Variants in LMF1 observed in about 807,000 individuals in gnomAD.
LMF1 encodes the protein transmembrane protein 112.
In LMF1, 68 loss-of-function variants were observed where a neutral mutation model predicts 60.6. That is an observed-to-expected ratio of 1.12 (90% confidence interval 0.92 to 1.37). The LOEUF (loss-of-function observed/expected upper bound fraction) is 1.37, where lower values mean the gene tolerates loss of function less well. Among genes scored for constraint, LMF1 ranks in the 40% most tolerant of loss-of-function variants. LMF1 has a pLI of 0.00. For synonymous variants in LMF1, 418 were observed against 324.7 expected, an observed-to-expected ratio of 1.29 and a Z score of -3.09; for missense variants, 948 against 767.2, an observed-to-expected ratio of 1.24 and a Z score of -2.78.
chr16:953,012 GC>G (rs2072528120), intron 2 of LMF1, among the ~76,000 whole-genome samples: 2 of 29,206 alleles, frequency 6.8e-5, no homozygotes, highest in South Asian at 2.2e-3. Context: ...CCCCAAACCA[GC>G]CTCCTACATA....
chr16:910,860 C>A, intron 4 of LMF1, 71 bp downstream of exon 4: 1 of 1,589,508 alleles, frequency 6.3e-7, no homozygotes, highest in South Asian at 1.1e-5. Flanking sequence ...AGCCTCACCT[C>A]TCCTAGAAGC....
intron 2 of LMF1, among the ~76,000 whole-genome samples, chr16:938,052 CAA>C (rs5815061): frequency 6.8e-6 from 1 of 147,376 alleles, no homozygotes; most frequent in Non-Finnish European, 1.5e-5. Flanking sequence ...AAAAATACCA[CAA>C]AAAAAGAGGG....
intron 4 of LMF1, chr16:899,008 G>A (rs1394593542): frequency 6.6e-6 from 1 of 152,258 alleles, no homozygotes; most frequent in Non-Finnish European, 1.5e-5. Context: ...AATTACTAAT[G>A]CTCTTTGTAG....
intron 5 of LMF1, among the ~76,000 whole-genome samples, chr16:890,294 G>C (rs1489249769): frequency 6.6e-6 from 1 of 152,216 alleles, no homozygotes; most frequent in Non-Finnish European, 1.5e-5. Context: ...GGGGCCCCCG[G>C]GAAGCAAGAA....
intron 8 of LMF1, 55 bp from the exon 9 acceptor site, chr16:870,121 G>T (rs1431656448): frequency 1.7e-5 from 27 of 1,554,364 alleles, no homozygotes; most frequent in Non-Finnish European, 2.3e-5. Flanking sequence ...TGGGCCGAGT[G>T]GGGTGCATGG....
At chr16:981,318 G>C (rs1286088991), upstream of LMF1, 1 of 295,590 alleles carries the variant, frequency 3.4e-6, no homozygotes, top group South Asian at 2.5e-5. Context: ...GAGAGAGAGA[G>C]AGAGAGAGAG....
At chr16:883,966 A>G (rs2070236265) in intron 5 of LMF1, 2 of 152,198 alleles carry the variant, frequency 1.3e-5, no homozygotes, top group Admixed American at 1.3e-4. Flanking sequence ...TTTATCTATT[A>G]TTGAAATCTC....
In LMF1 at chr16:934,400, C is replaced by T. The variant is rs926462893; in HGVS notation, c.504-146G>A. On this transcript the variant is annotated intron_variant, in intron 2 of 10. Coordinates refer to ENST00000262301, the MANE Select transcript of LMF1 (RefSeq NM_022773.4). The stretch of plus-strand genomic sequence containing the variant: ...CTGCGAGGAGGACCTGCCCGCTGGG[C>T]ATTAGGGGAACAGGAGCCCCTCCCC... 8 of 957,872 alleles carry T rather than the reference C, an allele frequency of 8.4e-6. No individual in the cohort carries two copies. In the Admixed American group the frequency reaches 1.0e-4, roughly 12 times the overall value. 59.3% of individuals were successfully genotyped at this position (957,872 alleles called of 1,614,324 possible).
intron 1 of LMF1, chr16:976,794 A>G (rs1268636713): frequency 2.2e-6 from 1 of 453,942 alleles, no homozygotes; most frequent in Non-Finnish European, 4.4e-6. Flanking sequence ...CTGGGGAGAG[A>G]GCAGTGCTGG....
In LMF1 at chr16:854,827, G is replaced by A. The variant is rs914171569; in HGVS notation, c.1530-121C>T. On this transcript the variant is annotated intron_variant, in intron 10 of 10. Coordinates refer to ENST00000262301, the MANE Select transcript of LMF1 (RefSeq NM_022773.4). Reference sequence around the variant, plus strand: ...TCCCCCACGGACAGAGGGGCTGCATGAGGAGCCCCCACCCTGAGCACAGGT... The same window carrying A: ...TCCCCCACGGACAGAGGGGCTGCATAAGGAGCCCCCACCCTGAGCACAGGT... 4 of 912,848 alleles carry A rather than the reference G, an allele frequency of 4.4e-6. No individual in the cohort carries two copies. In the African/African-American group the frequency reaches 6.5e-5, roughly 15 times the overall value. 56.5% of individuals were successfully genotyped at this position (912,848 alleles called of 1,614,324 possible).
intron 10 of LMF1, among the ~76,000 whole-genome samples, chr16:857,102 TTCC>T (rs1356802567): frequency 2.0e-5 from 3 of 152,272 alleles, no homozygotes; most frequent in Non-Finnish European, 2.9e-5. Context: ...GGAGGCTTCC[TTCC>T]TCCTCGTCGC....
At chr16:974,681 G>T (rs529479025), upstream of LMF1, among the ~76,000 whole-genome samples, 1 of 152,194 alleles carries the variant, frequency 6.6e-6, no homozygotes, top group Non-Finnish European at 1.5e-5. Flanking sequence ...ACACAAGCCC[G>T]TGGCTGGCCA....
intron 6 of LMF1, among the ~76,000 whole-genome samples, chr16:877,241 A>T (rs995408823): frequency 6.6e-6 from 1 of 152,196 alleles, no homozygotes; most frequent in Non-Finnish European, 1.5e-5. Context: ...AACTAAGATA[A>T]TACTATGACT....
intron 1 of LMF1, among the ~76,000 whole-genome samples, chr16:963,668 G>A (rs55671279): frequency 2.6e-5 from 4 of 151,706 alleles, no homozygotes; most frequent in Non-Finnish European, 5.9e-5. Flanking sequence ...CCTAATTGGC[G>A]CTAGCTGAAG....
chr16:871,079 A>C, intron 7 of LMF1, 82 bp downstream of exon 7: 2 of 1,449,424 alleles, frequency 1.4e-6, no homozygotes, highest in Non-Finnish European at 9.2e-7. Flanking sequence ...TGGCGTCCCC[A>C]ACCCACACGG....
chr16:904,744 G>A (rs1230706622), intron 4 of LMF1, among the ~76,000 whole-genome samples: 12 of 15,834 alleles, frequency 7.6e-4, no homozygotes, highest in African/African-American at 5.8e-3. Context: ...TGTCTCTGCT[G>A]CGTGGTGGTG....
chr16:896,689 C>A (rs2070670789), intron 4 of LMF1, among the ~76,000 whole-genome samples: 1 of 152,188 alleles, frequency 6.6e-6, no homozygotes, highest in South Asian at 2.1e-4. Flanking sequence ...CAACCACCGC[C>A]ACTGCTCCCC....
chr16:915,494 G>A (rs2071254481), intron 3 of LMF1, among the ~76,000 whole-genome samples: 1 of 152,244 alleles, frequency 6.6e-6, no homozygotes, highest in South Asian at 2.1e-4. Context: ...AGAACCAGAA[G>A]ATTCTCCACC....
chr16:854,820 G>A, intron 10 of LMF1, 114 bp from the exon 11 acceptor site: 1 of 984,554 alleles, frequency 1.0e-6, no homozygotes, highest in Non-Finnish European at 1.5e-6. Flanking sequence ...GGACAGAGGG[G>A]CTGCATGAGG....
Sources: allele counts gnomAD v4.1 joint callset (sites outside exome capture counted in the v4.1 genomes callset), GRCh38; gene constraint gnomAD v4.1.1; transcripts MANE v1.5; gene names NCBI Gene and HGNC (gene_info 2026-07-23, HGNC 2026-07-21).